Variants in GRID2 observed in about 807,000 individuals in gnomAD.
GRID2 encodes the protein glutamate receptor ionotropic, delta-2.
GRID2 carries 33 observed loss-of-function variants against 114.8 expected under a neutral mutation model. That is an observed-to-expected ratio of 0.29 (90% CI 0.22 to 0.38). The LOEUF is 0.38. Among genes scored for constraint, GRID2 ranks in the 10% least tolerant of loss-of-function variants. The pLI is 1.00. For missense variants in GRID2, 1,184 were observed against 1,257.7 expected, an observed-to-expected ratio of 0.94 and a Z score of 0.89; for synonymous variants, 505 against 449.9, an observed-to-expected ratio of 1.12 and a Z score of -1.55.
At chr4:92,918,526 A>G (rs190704373) in intron 2 of GRID2, among the ~76,000 whole-genome samples, 10 of 152,294 alleles carry the variant, frequency 6.6e-5, no homozygotes, top group Non-Finnish European at 2.9e-5. Context: ...GATATGTCCC[A>G]TCAATACCGA....
At chr4:93,171,621 C>T (rs544017969) in intron 4 of GRID2, among the ~76,000 whole-genome samples, 18 of 152,218 alleles carry the variant, frequency 1.2e-4, no homozygotes, top group African/African-American at 3.9e-4. Flanking sequence ...AACTTGTCCA[C>T]GTAGGACCCA....
intron 1 of GRID2, among the ~76,000 whole-genome samples, chr4:92,324,596 G>GACAC (rs34621988): frequency 0.067 from 9,896 of 148,212 alleles, 348 homozygotes; most frequent in Middle Eastern, 0.14. Context: ...CATACATACA[G>GACAC]ACACACACAC....
chr4:93,163,373 T>C lies in GRID2; in HGVS notation c.736-44031T>C, dbSNP rs964579325. Among the ~76,000 whole-genome samples, 34 of 79,636 alleles carry C rather than the reference T, an allele frequency of 4.3e-4. 1 individual carries two copies. Among genetic ancestry groups the C allele is most frequent in the African/African-American group, 1.5e-3 (30 of 20,076 alleles). 52.2% of individuals were successfully genotyped at this position (79,636 alleles called of 152,430 possible). A position where few individuals can be genotyped will look rare whatever the true frequency, so the allele number is the denominator to read the frequency against. On this transcript the variant is annotated intron_variant, in intron 4 of 15. Coordinates refer to ENST00000282020, the MANE Select transcript of GRID2 (RefSeq NM_001510.4). The stretch of plus-strand genomic sequence containing the variant: ...TTTTTTGTGTATATATATATATATA[T>C]ATATATATATATATATATATATATA...
intron 13 of GRID2, among the ~76,000 whole-genome samples, chr4:93,553,703 G>A (rs765148210): frequency 1.3e-5 from 2 of 152,148 alleles, no homozygotes; most frequent in African/African-American, 4.8e-5. Flanking sequence ...TATTAAGGAA[G>A]ATTTGTCTAA....
intron 2 of GRID2, among the ~76,000 whole-genome samples, chr4:92,602,680 C>G (rs1027163189): frequency 1.3e-5 from 2 of 152,132 alleles, no homozygotes; most frequent in African/African-American, 4.8e-5. Flanking sequence ...TCCTATTCAA[C>G]ATAGTGTTGG....
intron 14 of GRID2, among the ~76,000 whole-genome samples, chr4:93,680,046 A>C (rs1207618515): frequency 6.6e-6 from 1 of 151,268 alleles, no homozygotes; most frequent in Non-Finnish European, 1.5e-5. Context: ...CTAATAAAGA[A>C]AAAAAGAGAG....
chr4:92,465,444 A>C (rs1432217032), intron 1 of GRID2, among the ~76,000 whole-genome samples: 1 of 152,094 alleles, frequency 6.6e-6, no homozygotes, highest in African/African-American at 2.4e-5. Flanking sequence ...CGGATTGCTT[A>C]ATTTGCTTTT....
chr4:93,326,269 G>A (rs1485586079), intron 8 of GRID2, among the ~76,000 whole-genome samples: 1 of 152,146 alleles, frequency 6.6e-6, no homozygotes. Flanking sequence ...CGATACAGAG[G>A]TCCTGAATAA....
intron 2 of GRID2, among the ~76,000 whole-genome samples, chr4:92,922,368 G>GACAGTGGGTGA (rs1749433548): frequency 1.3e-5 from 2 of 152,002 alleles, no homozygotes; most frequent in African/African-American, 2.4e-5. Flanking sequence ...CCCACTGTCC[G>GACAGTGGGTGA]ACAATCCCCA....
At chr4:93,235,230 TA>T (rs1261857550) in intron 7 of GRID2, among the ~76,000 whole-genome samples, 1 of 152,164 alleles carries the variant, frequency 6.6e-6, no homozygotes, top group Non-Finnish European at 1.5e-5. Flanking sequence ...TGGATGAAAT[TA>T]AAACAAATTT....
chr4:92,825,542 C>T (rs1272763340), intron 2 of GRID2, among the ~76,000 whole-genome samples: 9 of 152,156 alleles, frequency 5.9e-5, no homozygotes, highest in Admixed American at 5.9e-4. Context: ...GCTCTAACAT[C>T]TCATACCTCT....
At chr4:92,658,434 A>G (rs959698960) in intron 2 of GRID2, among the ~76,000 whole-genome samples, 1 of 151,954 alleles carries the variant, frequency 6.6e-6, no homozygotes, top group East Asian at 1.9e-4. Context: ...AAAGGATTGC[A>G]CAGGGAATTA....
At chr4:93,288,934 T>C (rs1170557872) in intron 8 of GRID2, among the ~76,000 whole-genome samples, 3 of 152,218 alleles carry the variant, frequency 2.0e-5, no homozygotes, top group Non-Finnish European at 4.4e-5. Flanking sequence ...ACTGAATCTT[T>C]CTCAGTGCTC....
chr4:93,068,834 AC>A (rs562064945), intron 2 of GRID2, among the ~76,000 whole-genome samples: 297 of 152,180 alleles, frequency 2.0e-3, no homozygotes, highest in African/African-American at 5.7e-3. Context: ...ATAAAGAAAT[AC>A]CTGATATTGG....
At chr4:93,253,973 G>C (rs2149536103) in intron 8 of GRID2, among the ~76,000 whole-genome samples, 1 of 152,036 alleles carries the variant, frequency 6.6e-6, no homozygotes, top group Non-Finnish European at 1.5e-5. Context: ...TAAATTGTCA[G>C]CATTTCTTCT....
chr4:93,422,705 G>T (rs1768410771), intron 9 of GRID2, 66 bp from the exon 10 acceptor site: 3 of 973,902 alleles, frequency 3.1e-6, no homozygotes, highest in Admixed American at 2.1e-5. Flanking sequence ...ACTCTTTAAA[G>T]AATTAATCTT....
At chr4:93,619,483 T>A (rs1023425058) in intron 13 of GRID2, among the ~76,000 whole-genome samples, 2 of 152,234 alleles carry the variant, frequency 1.3e-5, no homozygotes, top group Middle Eastern at 3.2e-3. Flanking sequence ...TGACCATTAG[T>A]TAAAATTGGA....
intron 13 of GRID2, among the ~76,000 whole-genome samples, chr4:93,620,094 C>T (rs985333473): frequency 2.0e-5 from 3 of 152,172 alleles, no homozygotes; most frequent in Non-Finnish European, 4.4e-5. Flanking sequence ...GATATCCTAT[C>T]AGCTGTCTCA....
chr4:92,716,856 T>G (rs1735576195), intron 2 of GRID2, among the ~76,000 whole-genome samples: 1 of 152,194 alleles, frequency 6.6e-6, no homozygotes, highest in South Asian at 2.1e-4. Context: ...AAAAATAATT[T>G]TACATCTTGT....
Sources: gnomAD v4.1 joint callset for allele counts (sites outside exome capture counted in the v4.1 genomes callset) on GRCh38, gnomAD v4.1.1 for gene constraint, MANE v1.5 for transcripts, NCBI Gene and HGNC (gene_info 2026-07-23, HGNC 2026-07-21) for gene names.